Variants in FARS2 observed in about 807,000 individuals in gnomAD.
FARS2 encodes the protein phenylalanyl-tRNA synthetase 2, mitochondrial.
FARS2 carries 40 observed loss-of-function variants against 46.4 expected under a neutral mutation model. The observed-to-expected ratio is 0.86, with a 90% CI of 0.67 to 1.12. The LOEUF (loss-of-function observed/expected upper bound fraction) is 1.12. Among genes scored for constraint, FARS2 ranks in the 50% most tolerant of loss-of-function variants. The probability of loss-of-function intolerance (pLI) is 0.00; values close to 1 mark genes in which losing one functional copy is unlikely to be tolerated. For missense variants in FARS2, 513 were observed against 567.9 expected, an observed-to-expected ratio of 0.90 and a Z score of 0.98; for synonymous variants, 234 against 214.9, an observed-to-expected ratio of 1.09 and a Z score of -0.78.
intron 6 of FARS2, among the ~76,000 whole-genome samples, chr6:5,762,736 G>A (rs956916447): frequency 2.0e-5 from 3 of 152,198 alleles, no homozygotes; most frequent in East Asian, 1.9e-4. Context: ...TCAAGGCCTG[G>A]ATTGGAGTTG....
intron 4 of FARS2, among the ~76,000 whole-genome samples, chr6:5,502,896 A>AT (rs918547230): frequency 2.6e-5 from 4 of 151,522 alleles, no homozygotes; most frequent in East Asian, 1.9e-4. Flanking sequence ...GTTAATTCGA[A>AT]TTTTTTTTTG....
chr6:5,422,871 T>G (rs1292199879), intron 3 of FARS2, among the ~76,000 whole-genome samples: 3 of 152,192 alleles, frequency 2.0e-5, no homozygotes, highest in Non-Finnish European at 1.5e-5. Flanking sequence ...AAATACCCAC[T>G]GAGTGTTAAT....
At chr6:5,677,753 A>G (rs551395859) in intron 6 of FARS2, among the ~76,000 whole-genome samples, 11 of 152,330 alleles carry the variant, frequency 7.2e-5, no homozygotes, top group African/African-American at 2.4e-4. Flanking sequence ...TTTCTCACAC[A>G]TATAGTTTTA....
intron 5 of FARS2, among the ~76,000 whole-genome samples, chr6:5,568,990 T>G (rs1415274267): frequency 6.6e-6 from 1 of 151,906 alleles, no homozygotes; most frequent in African/African-American, 2.4e-5. Flanking sequence ...GCTTAACACC[T>G]AAATTGGGGT....
chr6:5,256,654 A>G (rs1269072905), upstream of FARS2, among the ~76,000 whole-genome samples: 1 of 152,084 alleles, frequency 6.6e-6, no homozygotes, highest in Non-Finnish European at 1.5e-5. Flanking sequence ...GTGGGGTCAC[A>G]CAGAGTTGGT....
intron 6 of FARS2, among the ~76,000 whole-genome samples, chr6:5,763,153 G>A (rs553891773): frequency 7.2e-5 from 11 of 152,308 alleles, no homozygotes; most frequent in African/African-American, 1.7e-4. Flanking sequence ...GCTTCCCTCC[G>A]GCTCCCATCG....
intron 5 of FARS2, among the ~76,000 whole-genome samples, chr6:5,547,323 G>T (rs1771092994): frequency 6.6e-6 from 1 of 151,196 alleles, no homozygotes; most frequent in South Asian, 2.1e-4. Flanking sequence ...TTTTGTTGTG[G>T]TTGTTTTCCC....
At chr6:5,435,997 G>C (rs1254462522) in intron 4 of FARS2, among the ~76,000 whole-genome samples, 1 of 152,106 alleles carries the variant, frequency 6.6e-6, no homozygotes, top group Non-Finnish European at 1.5e-5. Context: ...GTCCTTCTAA[G>C]GCTATAGCGA....
intron 4 of FARS2, among the ~76,000 whole-genome samples, chr6:5,541,203 A>G (rs1322039623): frequency 6.6e-6 from 1 of 152,188 alleles, no homozygotes; most frequent in Non-Finnish European, 1.5e-5. Context: ...CTGATCCACA[A>G]ACTATCAGTT....
intron 6 of FARS2, among the ~76,000 whole-genome samples, chr6:5,751,775 G>C (rs868152465): frequency 6.6e-6 from 1 of 152,170 alleles, no homozygotes; most frequent in Non-Finnish European, 1.5e-5. Flanking sequence ...CCTCCTTCAT[G>C]ATAAGCCAAT....
At position 5,281,742 on chromosome 6, in the gene FARS2, C is replaced by T. The variant is rs539767948; in HGVS notation, c.-22+20082C>T. ...GTAATGATATCTCTCTGTGTGTCTA[C>T]AGGGATCACCTCCTTTAACGTGACT... is the stretch of plus-strand genomic sequence containing the variant. On this transcript the variant is annotated intron_variant, in intron 1 of 6. Coordinates refer to ENST00000274680, the MANE Select transcript of FARS2 (RefSeq NM_006567.5). Among the ~76,000 whole-genome samples the T allele has an allele frequency of 2.0e-5, 3 of 151,644 alleles. No homozygotes were observed. The South Asian group carries it at 6.3e-4, about 32-fold the overall frequency.
intron 6 of FARS2, among the ~76,000 whole-genome samples, chr6:5,679,828 G>A (rs1157357317): frequency 6.6e-6 from 1 of 151,934 alleles, no homozygotes; most frequent in East Asian, 1.9e-4. Flanking sequence ...TCCTGACTCA[G>A]AGGAACCCTC....
the FARS2 span, among the ~76,000 whole-genome samples, chr6:5,251,017 G>A: frequency 6.6e-6 from 1 of 152,146 alleles, no homozygotes; most frequent in South Asian, 2.1e-4. Context: ...AATCTCCACT[G>A]TTCGGGCACT....
intron 1 of FARS2, among the ~76,000 whole-genome samples, chr6:5,336,054 T>A (rs970687779): frequency 6.6e-6 from 1 of 152,194 alleles, no homozygotes; most frequent in Non-Finnish European, 1.5e-5. Flanking sequence ...GCAGTGGACC[T>A]GTTTCTTCAG....
At chr6:5,715,112 C>A (rs909521055) in intron 6 of FARS2, among the ~76,000 whole-genome samples, 4 of 152,312 alleles carry the variant, frequency 2.6e-5, no homozygotes, top group Middle Eastern at 3.4e-3. Flanking sequence ...ATATCAACTT[C>A]ATTTAACTCG....
chr6:5,710,228 C>T (rs548289626), intron 6 of FARS2, among the ~76,000 whole-genome samples: 6 of 152,182 alleles, frequency 3.9e-5, no homozygotes, highest in East Asian at 3.9e-4. Flanking sequence ...CGCCGCTGTA[C>T]AACGCAGCAT....
intron 4 of FARS2, among the ~76,000 whole-genome samples, chr6:5,483,430 G>A (rs1476064823): frequency 1.3e-5 from 2 of 152,102 alleles, no homozygotes; most frequent in Non-Finnish European, 2.9e-5. Context: ...TATAATCCCA[G>A]GCCAAGGCAG....
At chr6:5,530,189 G>A (rs1237565748) in intron 4 of FARS2, among the ~76,000 whole-genome samples, 1 of 152,186 alleles carries the variant, frequency 6.6e-6, no homozygotes, top group East Asian at 1.9e-4. Context: ...GGACATCATA[G>A]CACTTTTGTA....
upstream of FARS2, chr6:5,260,498 C>G (rs1326138685): frequency 4.7e-6 from 5 of 1,071,522 alleles, no homozygotes; most frequent in Non-Finnish European, 6.6e-6. Context: ...GGCAGGAGCA[C>G]GCTTTTCGAT....
Sources: gnomAD v4.1 joint callset for allele counts (sites outside exome capture counted in the v4.1 genomes callset) on GRCh38, gnomAD v4.1.1 for gene constraint, MANE v1.5 for transcripts, NCBI Gene and HGNC (gene_info 2026-07-23, HGNC 2026-07-21) for gene names.